The following MAGI2 variants were observed in gnomAD, a reference collection of about 807,000 sequenced individuals.
MAGI2 encodes the protein membrane-associated guanylate kinase, WW and PDZ domain-containing protein 2.
MAGI2 carries 35 observed loss-of-function variants against 133.3 expected under a neutral mutation model. The observed-to-expected ratio is 0.26, with a 90% CI of 0.20 to 0.35. MAGI2 has a LOEUF of 0.35. MAGI2 is among the 10% of genes least tolerant of loss of function. MAGI2 has a pLI of 1.00. For missense variants in MAGI2, 1,636 were observed against 1,863.4 expected (o/e 0.88, Z 2.25); for synonymous variants, 729 against 710.6 (o/e 1.03, Z -0.41).
chr7:78,285,533 C>T (rs1266055993), intron 9 of MAGI2, among the ~76,000 whole-genome samples: 4 of 152,080 alleles, frequency 2.6e-5, no homozygotes, highest in Non-Finnish European at 5.9e-5. Flanking sequence ...CACAGGAATC[C>T]TATGGTCATA....
intron 4 of MAGI2, 30 bp downstream of exon 4, chr7:78,521,400 A>G (rs1563116897): frequency 6.5e-7 from 1 of 1,550,272 alleles, no homozygotes; most frequent in Non-Finnish European, 8.9e-7. Flanking sequence ...CAGTAAATTT[A>G]TGAAGCCATA....
chr7:78,711,209 T>C (rs1317190087), intron 2 of MAGI2, among the ~76,000 whole-genome samples: 1 of 152,140 alleles, frequency 6.6e-6, no homozygotes, highest in Non-Finnish European at 1.5e-5. Context: ...CATTGTCTAT[T>C]TGAGGTCTGG....
intron 1 of MAGI2, among the ~76,000 whole-genome samples, chr7:79,352,388 C>A (rs576538393): frequency 3.9e-4 from 60 of 152,328 alleles, no homozygotes; most frequent in African/African-American, 1.4e-3. Context: ...TCCAAAAAGA[C>A]AGCTTTCTAA....
At chr7:78,045,260 TAGG>T (rs35872659) in intron 21 of MAGI2, among the ~76,000 whole-genome samples, 91,313 of 151,708 alleles carry the variant, frequency 0.6, 28,911 homozygotes, top group African/African-American at 0.81. Context: ...CATAGGTATA[TAGG>T]AGGACAGCAA....
Position 79,125,182 on chromosome 7 carries a change from G to T in MAGI2, c.302-117976C>A, listed in dbSNP as rs557173369. On this transcript the variant is annotated intron_variant, in intron 1 of 21. Coordinates refer to ENST00000354212, the MANE Select transcript of MAGI2 (RefSeq NM_012301.4). ...TGGTAAGAAAAGGGGCTTTGGTTTT[G>T]TAAACACTGACTATGGTGATTCTGT... 1.4e-5 allele frequency: 5 copies of T among 354,552 alleles called. No individual in the cohort carries two copies. In the East Asian group the frequency reaches 2.0e-4, roughly 14 times the overall value. 22.0% of individuals were successfully genotyped at this position (354,552 alleles called of 1,614,324 possible). A position where few individuals can be genotyped will look rare whatever the true frequency, so the allele number is the denominator to read the frequency against.
At chr7:78,293,410 G>A (rs1319011337) in intron 9 of MAGI2, among the ~76,000 whole-genome samples, 1 of 152,054 alleles carries the variant, frequency 6.6e-6, no homozygotes. Context: ...AGTTAGAATG[G>A]CAATCATTAA....
chr7:78,086,190 T>C (rs995020874), intron 20 of MAGI2, among the ~76,000 whole-genome samples: 2 of 152,032 alleles, frequency 1.3e-5, no homozygotes, highest in Non-Finnish European at 2.9e-5. Flanking sequence ...AGATAGCTTC[T>C]TTCTAAATCT....
intron 2 of MAGI2, among the ~76,000 whole-genome samples, chr7:78,725,197 C>T (rs954876303): frequency 3.0e-4 from 46 of 152,202 alleles, no homozygotes; most frequent in African/African-American, 9.9e-4. Context: ...GAAGCGTTAA[C>T]GCTTATGGTT....
intron 4 of MAGI2, among the ~76,000 whole-genome samples, chr7:78,516,351 GT>G (rs1563110608): frequency 7.9e-5 from 12 of 151,944 alleles, no homozygotes; most frequent in African/African-American, 2.4e-4. Flanking sequence ...ACCTGTTTTT[GT>G]TGTTGTTGTT....
chr7:78,474,846 C>T (rs549528780), intron 6 of MAGI2, among the ~76,000 whole-genome samples: 3 of 151,508 alleles, frequency 2.0e-5, no homozygotes, highest in African/African-American at 4.8e-5. Context: ...TAACTTAAAA[C>T]GTGCTCTCAC....
chr7:78,438,479 A>G (rs1787277265), intron 6 of MAGI2, among the ~76,000 whole-genome samples: 1 of 152,132 alleles, frequency 6.6e-6, no homozygotes, highest in Non-Finnish European at 1.5e-5. Context: ...TTTCACCAAA[A>G]CACTTCACCA....
intron 4 of MAGI2, among the ~76,000 whole-genome samples, chr7:78,520,704 C>A (rs756068977): frequency 2.6e-4 from 40 of 152,146 alleles, no homozygotes; most frequent in South Asian, 2.1e-4. Context: ...TTCTGATGCT[C>A]TATTAAGTAA....
At chr7:79,436,066 C>T (rs140349352) in intron 1 of MAGI2, among the ~76,000 whole-genome samples, 4 of 152,024 alleles carry the variant, frequency 2.6e-5, no homozygotes, top group African/African-American at 4.8e-5. Context: ...GCTATCCATA[C>T]GTGATAGAAT....
intron 6 of MAGI2, among the ~76,000 whole-genome samples, chr7:78,375,043 A>G (rs908131824): frequency 6.6e-6 from 1 of 151,900 alleles, no homozygotes; most frequent in Admixed American, 6.6e-5. Flanking sequence ...GGGTTGCACC[A>G]TGTTGGCAAG....
In MAGI2 at chr7:79,142,258, T is replaced by C. The variant is rs114916730; in HGVS notation, c.302-135052A>G. ...CTATTCTGTTATTTGGATATCTTGA[T>C]TGGTTCATGTTTTTACACCAGTGAC... is the stretch of plus-strand genomic sequence containing the variant. On this transcript the variant is annotated intron_variant, in intron 1 of 21. Coordinates refer to ENST00000354212, the MANE Select transcript of MAGI2 (RefSeq NM_012301.4). Among the ~76,000 whole-genome samples, 1,126 of 152,320 alleles carry C rather than the reference T, an allele frequency of 7.4e-3. 10 individuals carry two copies. The highest frequency in any genetic ancestry group is 0.025 in the African/African-American group (1,036 of 41,570).
intron 1 of MAGI2, among the ~76,000 whole-genome samples, chr7:79,271,103 C>T (rs1425628266): frequency 1.3e-5 from 2 of 152,092 alleles, no homozygotes; most frequent in African/African-American, 4.8e-5. Context: ...TACAGTCTCA[C>T]CTAACAGCTC....
chr7:78,426,453 T>A (rs547999416), intron 6 of MAGI2, among the ~76,000 whole-genome samples: 2 of 151,868 alleles, frequency 1.3e-5, no homozygotes, highest in South Asian at 4.2e-4. Context: ...CTGGGGACTG[T>A]TGTGGGGTGG....
At chr7:79,339,647 C>A (rs1035837547) in intron 1 of MAGI2, among the ~76,000 whole-genome samples, 9 of 152,028 alleles carry the variant, frequency 5.9e-5, no homozygotes, top group Admixed American at 2.0e-4. Context: ...CAGCCATTTG[C>A]GAAAGTTTTC....
intron 1 of MAGI2, among the ~76,000 whole-genome samples, chr7:79,350,524 A>G (rs75224132): frequency 0.013 from 2,043 of 152,248 alleles, 53 homozygotes; most frequent in African/African-American, 0.047. Flanking sequence ...ATTACAGTTA[A>G]TCAACATCAG....
Sources: gnomAD v4.1 joint callset for allele counts (sites outside exome capture counted in the v4.1 genomes callset) on GRCh38, gnomAD v4.1.1 for gene constraint, MANE v1.5 for transcripts, NCBI Gene and HGNC (gene_info 2026-07-23, HGNC 2026-07-21) for gene names.